Variants in SLC10A2 observed in about 807,000 individuals in gnomAD.
The protein encoded by SLC10A2 is ileal sodium/bile acid cotransporter.
In SLC10A2, 34 loss-of-function variants were observed where a neutral mutation model predicts 27.1. That is an observed-to-expected ratio of 1.26 (90% CI 0.96 to 1.67). The LOEUF is 1.67. SLC10A2 is among the 40% of genes most tolerant of loss of function. SLC10A2 has a pLI of 0.00. For synonymous variants in SLC10A2, 205 were observed against 174.0 expected (o/e 1.18, Z -1.40); for missense variants, 530 against 444.4 (o/e 1.19, Z -1.73).
In SLC10A2 at chr13:103,044,666, G is replaced by A. The variant is rs1875556170; in HGVS notation, c.*1467C>T. ...CCCATAATGCTTGGGTGCACCAGCA[G>A]AATCTGAACTCAGAACATGCAAATG... On this transcript the variant is annotated 3_prime_UTR_variant, in exon 6 of 6. Transcript: ENST00000245312. The A allele has an allele frequency of 6.6e-6, 1 of 152,150 alleles. No individual in the cohort carries two copies. The highest frequency in any genetic ancestry group is 2.4e-5 in the African/African-American group (1 of 41,442). The allele number at this position is 152,150 out of a possible 1,614,324, so 9.4% of individuals were successfully genotyped here.
Position 103,066,104 on chromosome 13 carries a change from A to G in SLC10A2, c.146T>C (p.Met49Thr). 2.5e-6 allele frequency: 4 copies of G among 1,614,026 alleles called. No homozygotes were observed. Among genetic ancestry groups the G allele is most frequent in the Non-Finnish European group, 1.7e-6 (2 of 1,179,920 alleles). The change falls in exon 1 of 6, where the codon ATG (methionine) becomes ACG (threonine). Residue 49 changes from methionine (M) to threonine (T), a missense_variant. Transcript: ENST00000245312. Reference sequence around the variant, plus strand: ...TTTCTTGATTTCCACGTTGCATCCCATGGAGAACATCACCAAGGCCAACAG... The same window carrying G: ...TTTCTTGATTTCCACGTTGCATCCCGTGGAGAACATCACCAAGGCCAACAG... ...TILLALVMFS[M>T]GCNVEIKKFL...
intron 1 of SLC10A2, among the ~76,000 whole-genome samples, chr13:103,063,741 C>T (rs544762092): frequency 3.0e-4 from 46 of 152,216 alleles, no homozygotes; most frequent in African/African-American, 1.1e-3. Flanking sequence ...ACATGATTAT[C>T]GGTTGTTCTA....
chr13:103,064,342 C>T (rs16961271), intron 1 of SLC10A2, among the ~76,000 whole-genome samples: 19,724 of 152,018 alleles, frequency 0.13, 1,686 homozygotes, highest in East Asian at 0.3. Flanking sequence ...TCCTTAAAAC[C>T]ACAGAAAAAT....
chr13:103,061,783 T>A (rs914435717), intron 1 of SLC10A2, among the ~76,000 whole-genome samples: 1 of 152,198 alleles, frequency 6.6e-6, no homozygotes, highest in Non-Finnish European at 1.5e-5. Context: ...TTGATGCTAT[T>A]TGAATGAATA....
At chr13:103,062,857 A>G (rs1251177078) in intron 1 of SLC10A2, among the ~76,000 whole-genome samples, 3 of 152,202 alleles carry the variant, frequency 2.0e-5, no homozygotes, top group African/African-American at 7.2e-5. Flanking sequence ...TGGATTCCCC[A>G]AAGAGGAAGC....
intron 1 of SLC10A2, among the ~76,000 whole-genome samples, chr13:103,059,378 C>T (rs189677363): frequency 6.6e-6 from 1 of 151,988 alleles, no homozygotes; most frequent in Non-Finnish European, 1.5e-5. Context: ...GCAGAGTAGA[C>T]AAACAACCTC....
Position 103,052,661 on chromosome 13 carries a change from C to G in SLC10A2, c.544G>C (p.Val182Leu), listed in dbSNP as rs770739798. 6.2e-7 allele frequency: 1 copy of G among 1,612,236 alleles called. No individual in the cohort carries two copies. The highest frequency in any genetic ancestry group is 1.1e-5 in the South Asian group (1 of 91,048). ...LVVPVSIGMF[V>L]NHKWPQKAKI... ...GCTTTTTGGGGCCATTTGTGATTAA[C>G]AAACATTCCAATGGAAACAGGAACA... Residue 182 changes from valine (V) to leucine (L), a missense_variant, in exon 3 of 6, where the codon GTT (valine) becomes CTT (leucine). Coordinates refer to ENST00000245312, the MANE Select transcript of SLC10A2 (RefSeq NM_000452.3).
intron 2 of SLC10A2, among the ~76,000 whole-genome samples, chr13:103,057,680 A>G (rs1047924081): frequency 2.0e-5 from 3 of 152,040 alleles, no homozygotes; most frequent in African/African-American, 7.2e-5. Context: ...GGAGTTTGAG[A>G]CCAGCCTGAC....
rs750598336 is a variant in SLC10A2 at position 103,058,261 on chromosome 13, T to C, written c.496+3A>G. 11 of 1,512,106 alleles carry C rather than the reference T, an allele frequency of 7.3e-6. No homozygotes were observed. Among genetic ancestry groups the C allele is most frequent in the Non-Finnish European group, 1.0e-5 (11 of 1,087,152 alleles). 93.7% of individuals were successfully genotyped at this position (1,512,106 alleles called of 1,614,324 possible). A position where few individuals can be genotyped will look rare whatever the true frequency, so the allele number is the denominator to read the frequency against. On this transcript the variant is annotated splice_donor_region_variant and intron_variant, in intron 2 of 5. Transcript: ENST00000245312. ...TCAACAGTCTTACAGATGGATGACTTACCTATGTTATCATAGGGAATTACG... is the reference window on the plus strand; with the variant it reads ...TCAACAGTCTTACAGATGGATGACTCACCTATGTTATCATAGGGAATTACG...
chr13:103,046,167 T>G lies in SLC10A2; in HGVS notation c.1013A>C (p.Lys338Thr). Reference protein sequence around the residue: ...NGTEPESSFYKANGGFQPDEK With the variant: ...NGTEPESSFYTANGGFQPDEK ...GTCAGGTTGAAATCCTCCATTTGCCTTATAAAACGATGACTCTGGCTCCGT... is the reference window on the plus strand; with the variant it reads ...GTCAGGTTGAAATCCTCCATTTGCCGTATAAAACGATGACTCTGGCTCCGT... The change falls in exon 6 of 6, where the codon AAG (lysine) becomes ACG (threonine). Residue 338 changes from lysine (K) to threonine (T), a missense_variant. Coordinates refer to ENST00000245312, the MANE Select transcript of SLC10A2 (RefSeq NM_000452.3). 6.2e-7 allele frequency: 1 copy of G among 1,613,932 alleles called. No homozygotes were observed. The highest frequency in any genetic ancestry group is 2.2e-5 in the East Asian group (1 of 44,850).
At chr13:103,051,976 T>A (rs952511979) in intron 3 of SLC10A2, among the ~76,000 whole-genome samples, 5 of 152,102 alleles carry the variant, frequency 3.3e-5, no homozygotes, top group Non-Finnish European at 5.9e-5. Flanking sequence ...TAAAACAAAA[T>A]TTGGAGATTA....
intron 1 of SLC10A2, among the ~76,000 whole-genome samples, chr13:103,064,419 C>T (rs10508101): frequency 0.15 from 22,539 of 152,112 alleles, 1,716 homozygotes; most frequent in African/African-American, 0.19. Flanking sequence ...ATTTCAACAA[C>T]CTAATAGTCC....
At chr13:103,059,509 T>A (rs1876039374) in intron 1 of SLC10A2, among the ~76,000 whole-genome samples, 1 of 152,192 alleles carries the variant, frequency 6.6e-6, no homozygotes, top group Non-Finnish European at 1.5e-5. Context: ...TGTGCCTGAG[T>A]GTATTCAGGG....
At position 103,064,638 on chromosome 13, in the gene SLC10A2, G is replaced by C. The variant is rs72657898; in HGVS notation, c.377+1235C>G. Among the ~76,000 whole-genome samples the C allele has an allele frequency of 4.3e-3, 649 of 152,202 alleles. 1 individual carries two copies. Among genetic ancestry groups the C allele is most frequent in the South Asian group, 0.012 (56 of 4,822 alleles). On this transcript the variant is annotated intron_variant, in intron 1 of 5. Transcript: ENST00000245312. ...CTCACTTCTGTGTACCTGTGTCCAG[G>C]TCAAACTAAATTGAGGTCTAAAAAG...
At position 103,052,648 on chromosome 13, in the gene SLC10A2, C is replaced by T. The variant is rs867693048; in HGVS notation, c.557G>A (p.Trp186Ter). 22 of 1,611,430 alleles carry T rather than the reference C, an allele frequency of 1.4e-5. No homozygotes were observed. In the Admixed American group the frequency reaches 3.5e-4, roughly 26 times the overall value. ...AAGTATGATCTTTGCTTTTTGGGGC[C>T]ATTTGTGATTAACAAACATTCCAAT... ...VSIGMFVNHKWPQKAKIILKI... is the reference protein window; with the variant it reads ...VSIGMFVNHK Residue 186 changes from tryptophan to a stop codon, truncating the protein, a stop_gained, in exon 3 of 6, where the codon TGG (tryptophan) becomes TAG (stop). Coordinates refer to ENST00000245312, the MANE Select transcript of SLC10A2 (RefSeq NM_000452.3). LOFTEE classifies it high-confidence loss of function.
intron 1 of SLC10A2, among the ~76,000 whole-genome samples, chr13:103,063,186 C>T (rs536757833): frequency 1.3e-5 from 2 of 151,866 alleles, no homozygotes; most frequent in East Asian, 3.9e-4. Flanking sequence ...TGCTGGATTC[C>T]AATGATCAAG....
Position 103,044,862 on chromosome 13 carries a change from C to G in SLC10A2, c.*1271G>C, listed in dbSNP as rs200275727. The G allele has an allele frequency of 6.6e-6, 1 of 152,222 alleles. No homozygotes were observed. Among genetic ancestry groups the G allele is most frequent in the Non-Finnish European group, 1.5e-5 (1 of 68,040 alleles). 9.4% of individuals were successfully genotyped at this position (152,222 alleles called of 1,614,324 possible). On this transcript the variant is annotated 3_prime_UTR_variant, in exon 6 of 6. Transcript: ENST00000245312. ...TTCGATCTTATAATTGAAAGTCCAA[C>G]ACTTGATGAGTTATTTTCCCCTGGC...
chr13:103,059,348 C>T (rs904962117), intron 1 of SLC10A2, among the ~76,000 whole-genome samples: 5 of 152,160 alleles, frequency 3.3e-5, no homozygotes, highest in Admixed American at 1.3e-4. Context: ...AGAGCTTCTG[C>T]ACAGCAAAGG....
At chr13:103,048,304 T>C (rs892998975) in intron 5 of SLC10A2, among the ~76,000 whole-genome samples, 1 of 150,204 alleles carries the variant, frequency 6.7e-6, no homozygotes, top group Non-Finnish European at 1.5e-5. Context: ...GGTGGGAGAA[T>C]GGCGTGAACC....
Sources: allele counts gnomAD v4.1 joint callset (sites outside exome capture counted in the v4.1 genomes callset), GRCh38; gene constraint gnomAD v4.1.1; transcripts MANE v1.5; gene names NCBI Gene and HGNC (gene_info 2026-07-23, HGNC 2026-07-21).